Variants in NWD2 observed in about 807,000 individuals in gnomAD.
NWD2 encodes the protein NACHT and WD repeat domain-containing protein 2.
A neutral mutation model predicts 132.7 loss-of-function variants in NWD2; 37 were observed. The observed-to-expected ratio is 0.28, with a 90% CI of 0.21 to 0.37. The LOEUF (loss-of-function observed/expected upper bound fraction) is 0.37. NWD2 is among the 10% of genes least tolerant of loss of function. The probability of loss-of-function intolerance (pLI) is 1.00; values close to 1 mark genes in which losing one functional copy is unlikely to be tolerated. For missense variants in NWD2, 1,592 were observed against 2,122.4 expected (o/e 0.75, Z 4.91); for synonymous variants, 705 against 803.0 (o/e 0.88, Z 2.06).
At chr4:37,355,199 G>T (rs1719848458) in intron 2 of NWD2, among the ~76,000 whole-genome samples, 1 of 152,182 alleles carries the variant, frequency 6.6e-6, no homozygotes, top group South Asian at 2.1e-4. Flanking sequence ...CTTCTTTGAT[G>T]TCATCTTTCT....
chr4:37,386,391 C>T (rs1213845028), intron 3 of NWD2, among the ~76,000 whole-genome samples: 2 of 152,140 alleles, frequency 1.3e-5, no homozygotes, highest in Non-Finnish European at 2.9e-5. Flanking sequence ...TCTGAACTTT[C>T]TGGCATCCTT....
At chr4:37,323,936 G>A (rs921994859) in intron 1 of NWD2, among the ~76,000 whole-genome samples, 3 of 151,404 alleles carry the variant, frequency 2.0e-5, no homozygotes, top group African/African-American at 7.3e-5. Flanking sequence ...AATTAATGCA[G>A]GAACAGAAAA....
chr4:37,445,489 T>C lies in NWD2; in HGVS notation c.3501T>C (p.Ser1167=). The change falls in exon 7 of 7, where the codon TCT becomes TCC. Residue 1167 remains serine, a synonymous_variant. Transcript: ENST00000309447. This position sits in a 1 kb window ranked among gnomAD's most constrained non-coding sequence, Gnocchi z 4.7. The stretch of plus-strand genomic sequence containing the variant: ...TGGTAGACAGTGAAGGAAGTCTTTC[T>C]GTTTGGAATACTGAGGACATTTCCA... ...MVMVDSEGSL[S]VWNTEDISSP... is the part of the protein sequence containing the mutation. The C allele has an allele frequency of 1.3e-6, 2 of 1,551,840 alleles. No individual in the cohort carries two copies. Among genetic ancestry groups the C allele is most frequent in the Non-Finnish European group, 8.7e-7 (1 of 1,147,038 alleles).
chr4:37,324,460 A>G (rs28642950), intron 1 of NWD2, among the ~76,000 whole-genome samples: 1 of 151,974 alleles, frequency 6.6e-6, no homozygotes, highest in African/African-American at 2.4e-5. Flanking sequence ...TGAATATTAT[A>G]GGCTTTATTG....
intron 1 of NWD2, among the ~76,000 whole-genome samples, chr4:37,300,271 G>A (rs1718587410): frequency 6.6e-6 from 1 of 152,134 alleles, no homozygotes; most frequent in Admixed American, 6.6e-5. Context: ...CTGAGGGCAG[G>A]ACTGTGCCTT....
chr4:37,355,775 A>G (rs1212800857), intron 2 of NWD2, among the ~76,000 whole-genome samples: 1 of 152,176 alleles, frequency 6.6e-6, no homozygotes, highest in East Asian at 1.9e-4. Flanking sequence ...TCTGTAAGGC[A>G]TACCTTTCAT....
chr4:37,426,729 C>T (rs1560252973), intron 3 of NWD2, among the ~76,000 whole-genome samples: 1 of 152,126 alleles, frequency 6.6e-6, no homozygotes, highest in African/African-American at 2.4e-5. Flanking sequence ...AATCTTCACT[C>T]ACAATGTTCT....
At chr4:37,290,105 T>A (rs546694766) in intron 1 of NWD2, among the ~76,000 whole-genome samples, 2 of 152,290 alleles carry the variant, frequency 1.3e-5, no homozygotes, top group African/African-American at 4.8e-5. Flanking sequence ...AAGGAGGGCC[T>A]CAAGGGTCTT....
intron 3 of NWD2, among the ~76,000 whole-genome samples, chr4:37,411,686 G>A (rs961983572): frequency 6.6e-6 from 1 of 152,058 alleles, no homozygotes; most frequent in Non-Finnish European, 1.5e-5. Flanking sequence ...AACAAAAAAA[G>A]AAAATTTAGG....
intron 1 of NWD2, among the ~76,000 whole-genome samples, chr4:37,309,384 G>A (rs530555282): frequency 1.3e-5 from 2 of 152,258 alleles, no homozygotes; most frequent in East Asian, 3.9e-4. Flanking sequence ...CTTGGGTACA[G>A]GCCACTGCAT....
chr4:37,287,064 T>C (rs577096804), intron 1 of NWD2, among the ~76,000 whole-genome samples: 1 of 152,238 alleles, frequency 6.6e-6, no homozygotes, highest in East Asian at 1.9e-4. Context: ...GAGAGCCGCA[T>C]GGGGCAGGGG....
chr4:37,311,710 A>T (rs567399751), intron 1 of NWD2, among the ~76,000 whole-genome samples: 10 of 148,740 alleles, frequency 6.7e-5, no homozygotes, highest in Non-Finnish European at 1.0e-4. Context: ...GCCCATGCCT[A>T]TGTCCGGAAT....
intron 1 of NWD2, among the ~76,000 whole-genome samples, chr4:37,288,811 TG>T (rs2109271282): frequency 6.6e-6 from 1 of 152,272 alleles, no homozygotes; most frequent in East Asian, 1.9e-4. Flanking sequence ...CATTGTTTTT[TG>T]GTTTTTGTTT....
At chr4:37,408,602 T>G (rs1283992981) in intron 3 of NWD2, among the ~76,000 whole-genome samples, 1 of 152,170 alleles carries the variant, frequency 6.6e-6, no homozygotes, top group Non-Finnish European at 1.5e-5. Context: ...TGGGCACAGC[T>G]TCAACAGACT....
At chr4:37,364,817 A>T (rs1165488609) in intron 3 of NWD2, among the ~76,000 whole-genome samples, 1 of 152,138 alleles carries the variant, frequency 6.6e-6, no homozygotes, top group Non-Finnish European at 1.5e-5. Context: ...TAAGCCCAGT[A>T]TGCACAAAGT....
chr4:37,338,824 T>G (rs1477374518), intron 2 of NWD2, among the ~76,000 whole-genome samples: 2 of 152,232 alleles, frequency 1.3e-5, no homozygotes. Flanking sequence ...TTTGTTTTTT[T>G]CTCCTCTGTC....
chr4:37,366,519 A>G (rs1720101382), intron 3 of NWD2, among the ~76,000 whole-genome samples: 1 of 152,186 alleles, frequency 6.6e-6, no homozygotes, highest in Non-Finnish European at 1.5e-5. Flanking sequence ...ACAAGCAGAA[A>G]GATAACACAA....
intron 3 of NWD2, among the ~76,000 whole-genome samples, chr4:37,416,971 A>G (rs1711631963): frequency 1.3e-5 from 2 of 152,164 alleles, no homozygotes; most frequent in South Asian, 4.1e-4. Context: ...GATGAAGGAT[A>G]AAAGTCCACA....
At chr4:37,318,275 C>T (rs1718999152) in intron 1 of NWD2, among the ~76,000 whole-genome samples, 1 of 152,130 alleles carries the variant, frequency 6.6e-6, no homozygotes, top group Admixed American at 6.5e-5. Flanking sequence ...ATCCACTGAC[C>T]TTGGCCTCCC....
Sources: allele counts gnomAD v4.1 joint callset (sites outside exome capture counted in the v4.1 genomes callset), GRCh38; gene constraint gnomAD v4.1.1; non-coding constraint Gnocchi (gnomAD v3.1); transcripts MANE v1.5; gene names NCBI Gene and HGNC (gene_info 2026-07-23, HGNC 2026-07-21).